DOCK1: variants seen among roughly 807,000 people sequenced by gnomAD.
DOCK1 encodes dedicator of cytokinesis protein 1.
A neutral mutation model predicts 262.7 loss-of-function variants in DOCK1; 138 were observed. That is an observed-to-expected ratio of 0.53 (90% CI 0.46 to 0.61). The LOEUF is 0.61. Among genes scored for constraint, DOCK1 ranks in the 20% least tolerant of loss-of-function variants. The pLI, the probability that DOCK1 is intolerant of heterozygous loss-of-function variation, is 0.00. For missense variants in DOCK1, 1,908 were observed against 2,370.7 expected (o/e 0.80, Z 4.05); for synonymous variants, 866 against 867.4 (o/e 1.00, Z 0.03).
chr10:127,208,170 G>A (rs1470482230), intron 27 of DOCK1, among the ~76,000 whole-genome samples: 1 of 152,196 alleles, frequency 6.6e-6, no homozygotes, highest in African/African-American at 2.4e-5. Context: ...CTTTGTCATT[G>A]TGAAACGGAA....
chr10:127,282,873 A>G (rs2061012187), intron 29 of DOCK1, among the ~76,000 whole-genome samples: 1 of 152,216 alleles, frequency 6.6e-6, no homozygotes, highest in Non-Finnish European at 1.5e-5. Flanking sequence ...CTGCAGAGTG[A>G]TAGTGGGGAG....
intron 27 of DOCK1, among the ~76,000 whole-genome samples, chr10:127,148,178 C>T (rs553933643): frequency 2.6e-3 from 402 of 152,230 alleles, no homozygotes; most frequent in African/African-American, 7.5e-3. Flanking sequence ...AGCCTTGTGG[C>T]GTTCCCATCC....
intron 29 of DOCK1, among the ~76,000 whole-genome samples, chr10:127,317,389 C>A (rs2766039): frequency 0.03 from 4,594 of 152,274 alleles, 235 homozygotes; most frequent in African/African-American, 0.11. Flanking sequence ...TGCTGAAATC[C>A]TACAGATTTT....
chr10:127,404,452 C>G, intron 40 of DOCK1, 23 bp downstream of exon 40: 3 of 1,603,166 alleles, frequency 1.9e-6, no homozygotes, highest in Non-Finnish European at 2.6e-6. Context: ...TCTGCCTAAT[C>G]TGAGCCATGA....
At chr10:127,196,510 C>T (rs2057163093) in intron 27 of DOCK1, among the ~76,000 whole-genome samples, 1 of 148,072 alleles carries the variant, frequency 6.8e-6, no homozygotes, top group Non-Finnish European at 1.5e-5. Flanking sequence ...CTCCGCGGAG[C>T]CGGGCGGCCA....
At chr10:127,274,690 G>A (rs910522161) in intron 29 of DOCK1, among the ~76,000 whole-genome samples, 1 of 152,226 alleles carries the variant, frequency 6.6e-6, no homozygotes, top group South Asian at 2.1e-4. Flanking sequence ...TTGGTGGAAA[G>A]TTTAAAGATA....
intron 13 of DOCK1, among the ~76,000 whole-genome samples, chr10:127,022,505 A>G (rs1457282314): frequency 7.9e-5 from 12 of 151,812 alleles, no homozygotes; most frequent in Non-Finnish European, 1.8e-4. Flanking sequence ...GTTTGCGGCA[A>G]CTTCTGCCTC....
intron 27 of DOCK1, chr10:127,137,499 G>C (rs546285254): frequency 2.7e-4 from 61 of 226,958 alleles, no homozygotes; most frequent in Non-Finnish European, 1.0e-4. Context: ...GCTGTGTACA[G>C]GGTGACAGCC....
intron 1 of DOCK1, among the ~76,000 whole-genome samples, chr10:126,954,098 C>G (rs2036545963): frequency 1.3e-5 from 2 of 152,196 alleles, no homozygotes; most frequent in Non-Finnish European, 2.9e-5. Flanking sequence ...GGTTTTATAG[C>G]CTCTTGCTGA....
intron 27 of DOCK1, among the ~76,000 whole-genome samples, chr10:127,214,644 T>C (rs1369968766): frequency 1.3e-5 from 2 of 152,192 alleles, no homozygotes; most frequent in Non-Finnish European, 2.9e-5. Context: ...TGTTAGATCC[T>C]GCATTTAGCG....
intron 10 of DOCK1, among the ~76,000 whole-genome samples, chr10:127,004,251 G>C (rs910776828): frequency 1.4e-4 from 10 of 69,836 alleles, no homozygotes; most frequent in African/African-American, 4.7e-4. Flanking sequence ...AAAAAAAAAA[G>C]AAAAGAAAAC....
intron 31 of DOCK1, among the ~76,000 whole-genome samples, chr10:127,347,080 C>T (rs1420608138): frequency 6.6e-6 from 1 of 152,246 alleles, no homozygotes; most frequent in Non-Finnish European, 1.5e-5. Flanking sequence ...TTCAGCCCTT[C>T]ATAGTCCATT....
chr10:127,269,741 A>G (rs1314052296), intron 29 of DOCK1, among the ~76,000 whole-genome samples: 1 of 152,176 alleles, frequency 6.6e-6, no homozygotes, highest in Non-Finnish European at 1.5e-5. Context: ...AGGGGGGTTG[A>G]ATGAGTGGCT....
chr10:127,405,120 G>T (rs551250723), intron 40 of DOCK1, among the ~76,000 whole-genome samples: 1 of 152,158 alleles, frequency 6.6e-6, no homozygotes, highest in Admixed American at 6.5e-5. Flanking sequence ...GGTTGTCCCC[G>T]CCCAATGTGC....
At chr10:127,122,126 C>G (rs2049625432) in intron 25 of DOCK1, among the ~76,000 whole-genome samples, 1 of 152,212 alleles carries the variant, frequency 6.6e-6, no homozygotes, top group African/African-American at 2.4e-5. Context: ...GCCAGCAGAT[C>G]ACAGGTCACC....
chr10:127,438,426 C>T (rs1315118203), intron 48 of DOCK1, among the ~76,000 whole-genome samples: 1 of 152,198 alleles, frequency 6.6e-6, no homozygotes, highest in Non-Finnish European at 1.5e-5. Flanking sequence ...GTTACGAGGA[C>T]ATCAAGAGTC....
intron 13 of DOCK1, 110 bp downstream of exon 13, chr10:127,018,945 C>A: frequency 6.8e-7 from 1 of 1,478,036 alleles, no homozygotes; most frequent in Non-Finnish European, 9.1e-7. Context: ...AAGGGCTCAG[C>A]TCCTGGTAGG....
chr10:127,262,134 G>T (rs928243813), intron 29 of DOCK1, among the ~76,000 whole-genome samples: 1 of 144,330 alleles, frequency 6.9e-6, no homozygotes, highest in East Asian at 2.1e-4. Flanking sequence ...GTGTGTACCC[G>T]TGCTCGTCTG....
At chr10:127,158,164 A>G (rs1359799753) in intron 27 of DOCK1, among the ~76,000 whole-genome samples, 2 of 152,264 alleles carry the variant, frequency 1.3e-5, no homozygotes, top group African/African-American at 4.8e-5. Context: ...TCTACAGGAC[A>G]GGGAACACAG....
Sources: gnomAD v4.1 joint callset for allele counts (sites outside exome capture counted in the v4.1 genomes callset) on GRCh38, gnomAD v4.1.1 for gene constraint, MANE v1.5 for transcripts, NCBI Gene and HGNC (gene_info 2026-07-23, HGNC 2026-07-21) for gene names.